Variants in DNAH12 observed in about 807,000 individuals in gnomAD.
DNAH12 encodes the protein dynein axonemal heavy chain 12.
In DNAH12, 285 loss-of-function variants were observed where a neutral mutation model predicts 371.5. The observed-to-expected ratio is 0.77, with a 90% CI of 0.70 to 0.85. The LOEUF is 0.85. Ranked by LOEUF, DNAH12 falls within the 40% of genes least tolerant of loss-of-function variation. The pLI, the probability that DNAH12 is intolerant of heterozygous loss-of-function variation, is 0.00. For missense variants in DNAH12, 3,611 were observed against 3,689.4 expected (o/e 0.98, Z 0.55); for synonymous variants, 1,200 against 1,213.0 (o/e 0.99, Z 0.22).
chr3:57,385,988 C>T (rs2063492767), intron 47 of DNAH12, among the ~76,000 whole-genome samples: 1 of 151,880 alleles, frequency 6.6e-6, no homozygotes, highest in Non-Finnish European at 1.5e-5. Context: ...CAGAGTATTC[C>T]TGATATATTA....
chr3:57,444,185 G>C (rs1279660141), intron 29 of DNAH12, among the ~76,000 whole-genome samples: 3 of 148,532 alleles, frequency 2.0e-5, no homozygotes, highest in Non-Finnish European at 4.4e-5. Context: ...TGGGCAACAA[G>C]AGCAAAACTC....
chr3:57,400,259 G>T (rs1292626870), intron 43 of DNAH12, among the ~76,000 whole-genome samples: 2 of 152,162 alleles, frequency 1.3e-5, no homozygotes, highest in Non-Finnish European at 2.9e-5. Context: ...CTGCACTCCA[G>T]CCTGGGGCAG....
chr3:57,318,649 T>C (rs1233086769), intron 65 of DNAH12, among the ~76,000 whole-genome samples: 1 of 151,980 alleles, frequency 6.6e-6, no homozygotes, highest in Non-Finnish European at 1.5e-5. Context: ...GCATTTCAGG[T>C]TTTGTATTTT....
intron 1 of DNAH12, 59 bp downstream of exon 1, chr3:57,544,136 GCA>G (rs2069424065): frequency 6.6e-6 from 1 of 152,236 alleles, no homozygotes; most frequent in African/African-American, 2.4e-5. Flanking sequence ...GTTTAAGTTG[GCA>G]CCCAAATCGC....
rs905432479 is a variant in DNAH12, at chr3:57,357,571, A to G, written c.9361-223T>C. ...TAGGGATGGAGGAAAGGGGAAGGAGAGAAAGGAGGAACAAGAGAGGAAAAA... is the reference window on the plus strand; with the variant it reads ...TAGGGATGGAGGAAAGGGGAAGGAGGGAAAGGAGGAACAAGAGAGGAAAAA... On this transcript the variant is annotated intron_variant, in intron 58 of 73. Coordinates refer to ENST00000495027, the MANE Select transcript of DNAH12 (RefSeq NM_001366028.2). Among the ~76,000 whole-genome samples the G allele has an allele frequency of 3.6e-3, 548 of 152,266 alleles. 5 individuals are homozygous for G. Among genetic ancestry groups the G allele is most frequent in the African/African-American group, 0.013 (523 of 41,560 alleles).
At chr3:57,298,186 C>G (rs943895692) in intron 70 of DNAH12, among the ~76,000 whole-genome samples, 1 of 152,208 alleles carries the variant, frequency 6.6e-6, no homozygotes, top group African/African-American at 2.4e-5. Context: ...TAGAACTCCA[C>G]CTAGCCATGC....
At chr3:57,328,949 C>A (rs1249500190) in intron 62 of DNAH12, among the ~76,000 whole-genome samples, 2 of 133,844 alleles carry the variant, frequency 1.5e-5, no homozygotes, top group Non-Finnish European at 3.1e-5. Context: ...CATGAGTGAA[C>A]TCCCATTCAC....
At chr3:57,519,807 G>GT in intron 4 of DNAH12, 1 of 1,440,510 alleles carries the variant, frequency 6.9e-7, no homozygotes, top group Non-Finnish European at 9.8e-7. Context: ...CCTCTTGTTT[G>GT]TTTTCAGCTT....
chr3:57,378,528 A>G (rs2063327179), intron 52 of DNAH12, among the ~76,000 whole-genome samples: 1 of 152,156 alleles, frequency 6.6e-6, no homozygotes, highest in South Asian at 2.1e-4. Context: ...TTTAAACACA[A>G]GCTACCATAT....
At chr3:57,541,282 C>T (rs917595388) in intron 2 of DNAH12, among the ~76,000 whole-genome samples, 2 of 152,104 alleles carry the variant, frequency 1.3e-5, no homozygotes, top group African/African-American at 4.8e-5. Context: ...TCAGGTAACC[C>T]ATCCACCTCA....
At position 57,293,893 on chromosome 3, in the gene DNAH12, G is replaced by T; in HGVS notation, c.11771C>A (p.Ser3924Tyr). The change falls in exon 74 of 74, where the codon TCC (serine) becomes TAC (tyrosine). Residue 3924 changes from serine (S) to tyrosine (Y), a missense_variant. Ser to Tyr is a moderately radical substitution (Grantham distance 144). Around this residue, in one of 3 missense-constraint regions of DNAH12, gnomAD observed 2,266 missense variants for 2,236.9 expected, o/e 1.01. Transcript: ENST00000495027. ...YKTSERKGTL[S>Y]TTGHSTNFVI... ...AAAGTTAGTAGAATGTCCCGTAGTG[G>T]AAAGAGTTCCTTTACGTTCACTTGT... The T allele has an allele frequency of 6.5e-7, 1 of 1,545,018 alleles. No homozygotes were observed. The highest frequency in any genetic ancestry group is 8.7e-7 in the Non-Finnish European group (1 of 1,144,002).
intron 14 of DNAH12, 44 bp downstream of exon 14, chr3:57,472,502 T>C (rs771594737): frequency 6.6e-7 from 1 of 1,523,906 alleles, no homozygotes; most frequent in South Asian, 1.3e-5. Flanking sequence ...ATGATGTGCT[T>C]GAAATGTCAG....
chr3:57,338,240 G>A (rs1337512629), intron 60 of DNAH12, among the ~76,000 whole-genome samples: 1 of 152,208 alleles, frequency 6.6e-6, no homozygotes, highest in Non-Finnish European at 1.5e-5. Context: ...TCCAGCTCCT[G>A]ACCTCGAGTG....
intron 2 of DNAH12, among the ~76,000 whole-genome samples, chr3:57,526,783 A>G (rs1575735124): frequency 6.6e-6 from 1 of 151,236 alleles, no homozygotes; most frequent in Non-Finnish European, 1.5e-5. Flanking sequence ...TCGACCTCCC[A>G]AAGTGCTGGG....
chr3:57,476,998 C>T (rs1207437996), intron 13 of DNAH12, among the ~76,000 whole-genome samples: 1 of 152,130 alleles, frequency 6.6e-6, no homozygotes, highest in Non-Finnish European at 1.5e-5. Flanking sequence ...CCAGTGTGAG[C>T]GACGCAGAAG....
chr3:57,402,404 T>C, intron 43 of DNAH12: 1 of 1,305,064 alleles, frequency 7.7e-7, no homozygotes, highest in South Asian at 1.2e-5. Context: ...CACTATCCTG[T>C]TGGTCACCGG....
intron 29 of DNAH12, among the ~76,000 whole-genome samples, chr3:57,442,908 A>G (rs767815522): frequency 2.6e-5 from 4 of 152,194 alleles, no homozygotes; most frequent in Admixed American, 6.5e-5. Context: ...TTTTGCAGTC[A>G]TATCGTAAAG....
chr3:57,369,002 T>C (rs2063109963), intron 55 of DNAH12, among the ~76,000 whole-genome samples: 1 of 150,958 alleles, frequency 6.6e-6, no homozygotes, highest in Admixed American at 6.6e-5. Flanking sequence ...ATGTCAGGAG[T>C]TCAAGACCAG....
chr3:57,352,674 T>C (rs1553661021), intron 59 of DNAH12, among the ~76,000 whole-genome samples: 1 of 152,058 alleles, frequency 6.6e-6, no homozygotes, highest in African/African-American at 2.4e-5. Context: ...AAAATGCCTA[T>C]TAAATCTCTA....
Sources: gnomAD v4.1 joint callset for allele counts (sites outside exome capture counted in the v4.1 genomes callset) on GRCh38, gnomAD v4.1.1 for gene constraint, gnomAD v4.1.1 regional missense constraint, MANE v1.5 for transcripts, NCBI Gene and HGNC (gene_info 2026-07-23, HGNC 2026-07-21) for gene names.